The following HYCC1 variants were observed in gnomAD, a reference collection of about 807,000 sequenced individuals.
HYCC1 encodes hyccin PI4KA lipid kinase complex subunit 1.
chr7:22,965,654 G>A, the HYCC1 span, among the ~76,000 whole-genome samples: 4 of 151,514 alleles, frequency 2.6e-5, no homozygotes, highest in South Asian at 4.2e-4. Context: ...TAAAGTCAAG[G>A]TCTTGCTGTG....
chr7:22,929,870 C>T, the HYCC1 span, among the ~76,000 whole-genome samples: 1 of 152,182 alleles, frequency 6.6e-6, no homozygotes, highest in Non-Finnish European at 1.5e-5. Context: ...ATAAATCATG[C>T]TGCTATAAAG....
the HYCC1 span, among the ~76,000 whole-genome samples, chr7:22,961,650 G>A: frequency 6.6e-5 from 10 of 152,074 alleles, no homozygotes; most frequent in African/African-American, 2.4e-4. Context: ...ATATACCTTA[G>A]AAAAATGTTC....
chr7:22,977,308 T>G, the HYCC1 span: 4 of 1,283,332 alleles, frequency 3.1e-6, no homozygotes, highest in East Asian at 7.0e-5. Flanking sequence ...AAGCTTAGGG[T>G]CAATAAACTT....
the HYCC1 span, among the ~76,000 whole-genome samples, chr7:22,924,012 A>AC: frequency 1.3e-5 from 2 of 149,412 alleles, no homozygotes; most frequent in African/African-American, 2.5e-5. Context: ...AAAAAAAAAA[A>AC]AACCCAAAAA....
the HYCC1 span, among the ~76,000 whole-genome samples, chr7:22,973,752 G>A: frequency 6.6e-6 from 1 of 152,048 alleles, no homozygotes; most frequent in Admixed American, 6.6e-5. Flanking sequence ...ATTCTCTGTT[G>A]AAGAATTATT....
the HYCC1 span, among the ~76,000 whole-genome samples, chr7:22,973,349 A>G: frequency 1.3e-5 from 2 of 152,222 alleles, no homozygotes; most frequent in Non-Finnish European, 2.9e-5. Flanking sequence ...CCTCCTAATT[A>G]GAATATCTGA....
the HYCC1 span, chr7:22,976,251 C>A: frequency 6.2e-7 from 1 of 1,613,294 alleles, no homozygotes; most frequent in Non-Finnish European, 8.5e-7. Flanking sequence ...AAACACTGGG[C>A]ATGTAAGTTA....
the HYCC1 span, among the ~76,000 whole-genome samples, chr7:22,993,707 T>C: frequency 3.3e-4 from 49 of 148,274 alleles, no homozygotes; most frequent in South Asian, 6.4e-3. Flanking sequence ...CACACACACA[T>C]ACACACACAC....
the HYCC1 span, among the ~76,000 whole-genome samples, chr7:23,008,366 T>C: frequency 6.6e-6 from 1 of 151,880 alleles, no homozygotes; most frequent in Admixed American, 6.6e-5. Flanking sequence ...TGAAGAAAAC[T>C]ACAAACTATA....
chr7:22,945,138 C>T, the HYCC1 span: 18 of 179,352 alleles, frequency 1.0e-4, no homozygotes, highest in African/African-American at 4.3e-4. Context: ...GCCTCTGCCC[C>T]ATTCTCTATA....
At chr7:22,986,051 G>T in the HYCC1 span, among the ~76,000 whole-genome samples, 6 of 150,344 alleles carry the variant, frequency 4.0e-5, no homozygotes, top group East Asian at 9.8e-4. Context: ...TATCATCTAG[G>T]CTAAAACTAG....
the HYCC1 span, among the ~76,000 whole-genome samples, chr7:22,898,640 T>C: frequency 6.7e-6 from 1 of 148,278 alleles, no homozygotes; most frequent in Non-Finnish European, 1.5e-5. Context: ...CCTCGTTCTG[T>C]CGCCCAGCCT....
chr7:22,921,887 A>G, the HYCC1 span, among the ~76,000 whole-genome samples: 3 of 152,318 alleles, frequency 2.0e-5, no homozygotes, highest in African/African-American at 7.2e-5. Context: ...ACATTGCTCA[A>G]GGGTCAACTG....
the HYCC1 span, chr7:22,943,216 T>C: frequency 6.6e-6 from 1 of 152,166 alleles, no homozygotes; most frequent in Non-Finnish European, 1.5e-5. Flanking sequence ...CATATGTCAA[T>C]ATTATTAAAC....
chr7:22,928,199 G>A, the HYCC1 span, among the ~76,000 whole-genome samples: 1 of 152,102 alleles, frequency 6.6e-6, no homozygotes, highest in African/African-American at 2.4e-5. Flanking sequence ...AATAATAAGA[G>A]CTATCTATGA....
chr7:22,936,557 C>T, the HYCC1 span: 4 of 152,206 alleles, frequency 2.6e-5, no homozygotes, highest in Admixed American at 1.3e-4. Flanking sequence ...ATTATTCTTG[C>T]AATCTGAGCC....
chr7:22,986,136 G>C, the HYCC1 span, among the ~76,000 whole-genome samples: 23 of 152,084 alleles, frequency 1.5e-4, no homozygotes, highest in Non-Finnish European at 2.9e-4. Flanking sequence ...AATATTTTCT[G>C]TGAAACACCC....
chr7:22,971,138 G>A, the HYCC1 span, among the ~76,000 whole-genome samples: 2 of 151,258 alleles, frequency 1.3e-5, no homozygotes, highest in Non-Finnish European at 1.5e-5. Context: ...TAAACTTTTG[G>A]GATTGTTAAT....
chr7:22,928,520 T>C, the HYCC1 span, among the ~76,000 whole-genome samples: 2 of 152,090 alleles, frequency 1.3e-5, no homozygotes, highest in African/African-American at 4.8e-5. Context: ...GAAAAAATCA[T>C]AAGCATTCTT....
Sources: allele counts gnomAD v4.1 joint callset (sites outside exome capture counted in the v4.1 genomes callset), GRCh38; gene constraint gnomAD v4.1.1; transcripts MANE v1.5; gene names NCBI Gene and HGNC (gene_info 2026-07-23, HGNC 2026-07-21).